Variants in FOXP1 observed in about 807,000 individuals in gnomAD.
FOXP1 encodes forkhead box protein P1.
A neutral mutation model predicts 98.2 loss-of-function variants in FOXP1; 15 were observed. The ratio of observed to expected loss-of-function variants is 0.15; its 90% CI spans 0.10 to 0.24. The LOEUF (loss-of-function observed/expected upper bound fraction) is 0.24, where lower values mean the gene tolerates loss of function less well. Ranked by LOEUF, FOXP1 falls within the 10% of genes least tolerant of loss-of-function variation. The pLI is 1.00. For synonymous variants in FOXP1, 371 were observed against 314.5 expected, an observed-to-expected ratio of 1.18 and a Z score of -1.90; for missense variants, 633 against 848.5, an observed-to-expected ratio of 0.75 and a Z score of 3.15.
intron 2 of FOXP1, among the ~76,000 whole-genome samples, chr3:71,518,168 G>C (rs1383047626): frequency 6.6e-6 from 1 of 151,604 alleles, no homozygotes; most frequent in Non-Finnish European, 1.5e-5. Context: ...TTTTATCTAA[G>C]CACATGCATC....
chr3:71,401,959 C>CA (rs2081982578), intron 3 of FOXP1, among the ~76,000 whole-genome samples: 1 of 152,164 alleles, frequency 6.6e-6, no homozygotes, highest in Non-Finnish European at 1.5e-5. Context: ...CCCCTATCCC[C>CA]ACCCCTATCC....
At position 71,079,228 on chromosome 3, in the gene FOXP1, T is replaced by TA. The variant is rs1278017118; in HGVS notation, c.283-25456dup. Among the ~76,000 whole-genome samples, 5 of 152,166 alleles carry TA rather than the reference T, an allele frequency of 3.3e-5. No individual in the cohort carries two copies. The East Asian group carries it at 9.7e-4, about 29-fold the overall frequency. On this transcript the variant is annotated intron_variant, in intron 7 of 20. Transcript: ENST00000649528. ...GCAGCCCAACTCCTCATTATTCTAT[T>TA]AATACAGTCTGAATTCTTTGCCCCT...
chr3:71,541,566 GGA>G (rs548906294), intron 2 of FOXP1, among the ~76,000 whole-genome samples: 180 of 152,226 alleles, frequency 1.2e-3, no homozygotes, highest in Non-Finnish European at 2.2e-3. Flanking sequence ...TGAAATGTGA[GGA>G]GAGAAGCATG....
chr3:71,410,546 T>C (rs1274396231), intron 3 of FOXP1, among the ~76,000 whole-genome samples: 4 of 152,232 alleles, frequency 2.6e-5, no homozygotes, highest in Non-Finnish European at 5.9e-5. Context: ...GATTATGCAG[T>C]CAAAAAGGCA....
intron 4 of FOXP1, among the ~76,000 whole-genome samples, chr3:71,315,980 T>C (rs74963777): frequency 0.035 from 5,270 of 152,256 alleles, 331 homozygotes; most frequent in African/African-American, 0.12. Flanking sequence ...TTGAAGTAAG[T>C]GGAAAAGGAG....
At chr3:71,244,049 G>T (rs984054033) in intron 5 of FOXP1, among the ~76,000 whole-genome samples, 4 of 152,144 alleles carry the variant, frequency 2.6e-5, no homozygotes, top group African/African-American at 9.7e-5. Flanking sequence ...AAAGAAAAAA[G>T]TCCTAAATCT....
intron 5 of FOXP1, among the ~76,000 whole-genome samples, chr3:71,225,945 T>C (rs1459845224): frequency 6.6e-6 from 1 of 152,156 alleles, no homozygotes; most frequent in Non-Finnish European, 1.5e-5. Flanking sequence ...TAGGCAACAC[T>C]GAGTTTCAGA....
At chr3:71,529,954 C>T (rs1048649470) in intron 2 of FOXP1, among the ~76,000 whole-genome samples, 1 of 152,080 alleles carries the variant, frequency 6.6e-6, no homozygotes, top group Non-Finnish European at 1.5e-5. Context: ...AATTTCTAGC[C>T]GGTGGGTCAG....
At chr3:71,423,985 G>C (rs1378139682) in intron 3 of FOXP1, among the ~76,000 whole-genome samples, 5 of 152,012 alleles carry the variant, frequency 3.3e-5, no homozygotes. Context: ...TTAGAGACAA[G>C]GTCTCCTTAT....
rs1400044231 is a variant in FOXP1, at chr3:70,957,445, AAG to A, written c.*1800_*1801del. ...TCTTTTGCCTCCTTTGATCAACAAT[AAG>A]AGGATATTTGGCTTCATCAGATAAA... On this transcript the variant is annotated 3_prime_UTR_variant, in exon 21 of 21. Coordinates refer to ENST00000649528, the MANE Select transcript of FOXP1 (RefSeq NM_001349338.3). 5 of 230,272 alleles carry A rather than the reference AAG, an allele frequency of 2.2e-5. No homozygotes were observed. The highest frequency in any genetic ancestry group is 4.3e-5 in the Non-Finnish European group (5 of 116,078). The allele number at this position is 230,272 out of a possible 1,614,324, so 14.3% of individuals were successfully genotyped here. A position where few individuals can be genotyped will look rare whatever the true frequency, so the allele number is the denominator to read the frequency against.
Position 70,957,082 on chromosome 3 carries a change from T to C in FOXP1, c.*2165A>G, listed in dbSNP as rs1480444015. On this transcript the variant is annotated 3_prime_UTR_variant, in exon 21 of 21. Transcript: ENST00000649528. Reference sequence around the variant, plus strand: ...ATACTATTATGTAATCTAGTTCAATTATGGAAGCTTTTCTGTCCTGACTCT... The same window carrying C: ...ATACTATTATGTAATCTAGTTCAATCATGGAAGCTTTTCTGTCCTGACTCT... 1 of 223,200 alleles carries C rather than the reference T, an allele frequency of 4.5e-6. No homozygotes were observed. Among genetic ancestry groups the C allele is most frequent in the African/African-American group, 2.2e-5 (1 of 44,938 alleles). 13.8% of individuals were successfully genotyped at this position (223,200 alleles called of 1,614,324 possible). A position where few individuals can be genotyped will look rare whatever the true frequency, so the allele number is the denominator to read the frequency against.
At chr3:71,027,300 T>C (rs769590053) in intron 11 of FOXP1, among the ~76,000 whole-genome samples, 4 of 152,002 alleles carry the variant, frequency 2.6e-5, no homozygotes, top group Non-Finnish European at 5.9e-5. Context: ...TTTCTTCCCC[T>C]CCCCAGTATG....
chr3:71,514,725 G>A (rs1174136308), intron 2 of FOXP1, among the ~76,000 whole-genome samples: 1 of 152,168 alleles, frequency 6.6e-6, no homozygotes, highest in Non-Finnish European at 1.5e-5. Context: ...CAAATACCCA[G>A]CACGTACACC....
intron 2 of FOXP1, among the ~76,000 whole-genome samples, chr3:71,526,905 C>T (rs1171701587): frequency 6.7e-6 from 1 of 148,432 alleles, no homozygotes; most frequent in African/African-American, 2.5e-5. Context: ...AGGCAGAGGT[C>T]GCGGTGAGCC....
intron 5 of FOXP1, among the ~76,000 whole-genome samples, chr3:71,294,460 A>G (rs1287824536): frequency 6.6e-6 from 1 of 152,156 alleles, no homozygotes; most frequent in African/African-American, 2.4e-5. Flanking sequence ...ACCCATCATC[A>G]GCATCGTCAT....
chr3:71,065,054 C>A, intron 7 of FOXP1: 2 of 146,912 alleles, frequency 1.4e-5, no homozygotes, highest in South Asian at 3.8e-4. Context: ...CGCCGCGCCC[C>A]ACACAATGGG....
chr3:71,133,049 T>G (rs2059649423), intron 6 of FOXP1, among the ~76,000 whole-genome samples: 1 of 151,706 alleles, frequency 6.6e-6, no homozygotes. Context: ...AACTAAATAT[T>G]CCATGTTGTT....
At chr3:71,487,724 G>A (rs573850548) in intron 3 of FOXP1, among the ~76,000 whole-genome samples, 3 of 152,302 alleles carry the variant, frequency 2.0e-5, no homozygotes, top group Admixed American at 6.5e-5. Flanking sequence ...TCATGTGAAC[G>A]AAAGTCTGCC....
intron 5 of FOXP1, among the ~76,000 whole-genome samples, chr3:71,232,829 T>C (rs2066406890): frequency 8.1e-6 from 1 of 122,852 alleles, no homozygotes; most frequent in Non-Finnish European, 1.6e-5. Flanking sequence ...GCCCTGGCAA[T>C]GGAAGTTATA....
Sources: gnomAD v4.1 joint callset for allele counts (sites outside exome capture counted in the v4.1 genomes callset) on GRCh38, gnomAD v4.1.1 for gene constraint, MANE v1.5 for transcripts, NCBI Gene and HGNC (gene_info 2026-07-23, HGNC 2026-07-21) for gene names.